The following ZNF827 variants were observed in gnomAD, a reference collection of about 807,000 sequenced individuals.
The protein encoded by ZNF827 is zinc finger protein 827.
A neutral mutation model predicts 102.4 loss-of-function variants in ZNF827; 13 were observed. The observed-to-expected ratio is 0.13, with a 90% CI of 0.08 to 0.20. ZNF827 has a LOEUF of 0.20. Ranked by LOEUF, ZNF827 falls within the 10% of genes least tolerant of loss-of-function variation. The pLI is 1.00. For missense variants in ZNF827, 1,103 were observed against 1,344.4 expected (o/e 0.82, Z 2.81); for synonymous variants, 523 against 536.2 (o/e 0.98, Z 0.34).
chr4:145,933,743 T>C (rs983620758), intron 1 of ZNF827, among the ~76,000 whole-genome samples: 2 of 151,170 alleles, frequency 1.3e-5, no homozygotes, highest in African/African-American at 4.9e-5. Flanking sequence ...TATATATTTA[T>C]GTGTAAGCTG....
intron 2 of ZNF827, among the ~76,000 whole-genome samples, chr4:145,897,995 A>T (rs1221572440): frequency 1.3e-5 from 2 of 152,082 alleles, no homozygotes; most frequent in African/African-American, 4.8e-5. Flanking sequence ...TCTCTACTAA[A>T]AATACAAAAA....
chr4:145,914,850 T>C (rs919015844), intron 1 of ZNF827, among the ~76,000 whole-genome samples: 3 of 152,188 alleles, frequency 2.0e-5, no homozygotes, highest in African/African-American at 7.2e-5. Flanking sequence ...TTTCTAGATT[T>C]TTCACCTAAA....
At chr4:145,858,494 T>TA (rs1198606064) in intron 5 of ZNF827, among the ~76,000 whole-genome samples, 1 of 151,526 alleles carries the variant, frequency 6.6e-6, no homozygotes, top group African/African-American at 2.4e-5. Flanking sequence ...ATCAAAAAAT[T>TA]AGCTGGGCTT....
intron 4 of ZNF827, among the ~76,000 whole-genome samples, chr4:145,873,751 C>T (rs374181193): frequency 1.3e-5 from 2 of 152,142 alleles, no homozygotes; most frequent in Admixed American, 6.5e-5. Context: ...TGCACCTTTC[C>T]CCCACTTCTT....
chr4:145,888,601 G>C (rs1750329694), intron 3 of ZNF827, among the ~76,000 whole-genome samples: 1 of 152,202 alleles, frequency 6.6e-6, no homozygotes, highest in Non-Finnish European at 1.5e-5. Flanking sequence ...CCACTAGGGG[G>C]ACAGGTGAGG....
chr4:145,911,694 G>T (rs1281357877), intron 1 of ZNF827, among the ~76,000 whole-genome samples: 1 of 152,176 alleles, frequency 6.6e-6, no homozygotes, highest in Non-Finnish European at 1.5e-5. Flanking sequence ...CCTAGAGAGG[G>T]CCATAGATTT....
At chr4:145,833,611 G>T (rs1183334671) in intron 7 of ZNF827, among the ~76,000 whole-genome samples, 1 of 151,950 alleles carries the variant, frequency 6.6e-6, no homozygotes, top group African/African-American at 2.4e-5. Flanking sequence ...TTTCTACGGG[G>T]CAAGAACCCC....
chr4:145,912,413 A>T (rs921946296), intron 1 of ZNF827, among the ~76,000 whole-genome samples: 2 of 152,230 alleles, frequency 1.3e-5, no homozygotes, highest in African/African-American at 4.8e-5. Context: ...AACTCTTTGT[A>T]TGCATAAACT....
chr4:145,870,085 A>T (rs1164672561), intron 5 of ZNF827, among the ~76,000 whole-genome samples, 160 bp downstream of exon 5: 2 of 152,232 alleles, frequency 1.3e-5, no homozygotes, highest in African/African-American at 2.4e-5. Flanking sequence ...ACTCACACAC[A>T]ACACAGGAAT....
At chr4:145,814,375 T>C (rs184201527) in intron 8 of ZNF827, among the ~76,000 whole-genome samples, 6 of 152,250 alleles carry the variant, frequency 3.9e-5, no homozygotes, top group South Asian at 2.1e-4. Flanking sequence ...AGACCAGAGA[T>C]TGGGGGAATT....
chr4:145,920,397 C>T (rs1752973596), intron 1 of ZNF827, among the ~76,000 whole-genome samples: 1 of 152,146 alleles, frequency 6.6e-6, no homozygotes, highest in Admixed American at 6.5e-5. Flanking sequence ...TGGAATGTGC[C>T]ACAGACTTCC....
intron 7 of ZNF827, among the ~76,000 whole-genome samples, chr4:145,838,576 G>A (rs1745112798): frequency 6.6e-6 from 1 of 152,032 alleles, no homozygotes; most frequent in African/African-American, 2.4e-5. Context: ...AATAACAAGG[G>A]ACTGATTAAA....
At chr4:145,781,065 G>C (rs1287861326) in intron 8 of ZNF827, among the ~76,000 whole-genome samples, 1 of 151,628 alleles carries the variant, frequency 6.6e-6, no homozygotes, top group South Asian at 2.1e-4. Context: ...GCGTGGTGGC[G>C]GGCGCCTGAA....
At chr4:145,861,695 C>T (rs1747749078) in intron 5 of ZNF827, among the ~76,000 whole-genome samples, 1 of 152,140 alleles carries the variant, frequency 6.6e-6, no homozygotes, top group Non-Finnish European at 1.5e-5. Context: ...CGCCCCCACC[C>T]CAGATCCACC....
intron 8 of ZNF827, among the ~76,000 whole-genome samples, chr4:145,793,287 A>ATCT (rs1739973027): frequency 4.5e-5 from 6 of 134,476 alleles, no homozygotes; most frequent in Admixed American, 1.6e-4. Context: ...TATAATATAT[A>ATCT]TATGATATAT....
chr4:145,862,855 T>A (rs374054612), intron 5 of ZNF827, among the ~76,000 whole-genome samples: 11 of 152,182 alleles, frequency 7.2e-5, no homozygotes, highest in African/African-American at 2.7e-4. Flanking sequence ...ATGGAAAATG[T>A]GATAGGGCTC....
intron 8 of ZNF827, among the ~76,000 whole-genome samples, chr4:145,787,532 A>G (rs1214535290): frequency 6.6e-6 from 1 of 151,518 alleles, no homozygotes; most frequent in African/African-American, 2.4e-5. Flanking sequence ...CTGGGTGGAG[A>G]TTCTTTTTAG....
intron 8 of ZNF827, among the ~76,000 whole-genome samples, chr4:145,796,225 G>T (rs189786042): frequency 6.6e-6 from 1 of 152,182 alleles, no homozygotes; most frequent in Non-Finnish European, 1.5e-5. Context: ...TTGAAAGGAG[G>T]TTCTTCACTC....
intron 8 of ZNF827, among the ~76,000 whole-genome samples, chr4:145,821,772 C>T (rs757880774): frequency 1.3e-4 from 20 of 152,016 alleles, no homozygotes; most frequent in African/African-American, 3.1e-4. Context: ...TAATGTCTAA[C>T]GTAAGTTTAT....
Sources: gnomAD v4.1 joint callset for allele counts (sites outside exome capture counted in the v4.1 genomes callset) on GRCh38, gnomAD v4.1.1 for gene constraint, MANE v1.5 for transcripts, NCBI Gene and HGNC (gene_info 2026-07-23, HGNC 2026-07-21) for gene names.